PROM2: variants seen among roughly 807,000 people sequenced by gnomAD.
PROM2 encodes the protein prominin-2.
A neutral mutation model predicts 110.2 loss-of-function variants in PROM2; 90 were observed. That is an observed-to-expected ratio of 0.82 (90% CI 0.69 to 0.97). The LOEUF is 0.97. Among genes scored for constraint, PROM2 ranks in the 50% least tolerant of loss-of-function variants. The pLI, the probability that PROM2 is intolerant of heterozygous loss-of-function variation, is 0.00. For missense variants in PROM2, 1,009 were observed against 1,074.8 expected, an observed-to-expected ratio of 0.94 and a Z score of 0.86; for synonymous variants, 470 against 467.8, an observed-to-expected ratio of 1.00 and a Z score of -0.06.
rs145928267 is a variant in PROM2 at position 95,276,003 on chromosome 2, C to A, written c.368C>A (p.Ala123Asp). The A allele has an allele frequency of 1.4e-5, 22 of 1,611,932 alleles. No homozygotes were observed. In the African/African-American group the frequency reaches 2.7e-4, roughly 20 times the overall value. Residue 123 changes from alanine to aspartate, a missense_variant, in exon 3 of 24, where the codon GCC (alanine) becomes GAC (aspartate). Transcript: ENST00000317620. The surrounding 1 kb of genome is among the most constrained non-coding windows in gnomAD (Gnocchi z 4.6). ...CTCTACCTGCTGCTGGTGCCCACTG[C>A]CGGGCTTTGCTTCTGCTGCTGCCGC... ...AGLYLLLVPTAGLCFCCCRCH... is the reference protein window; with the variant it reads ...AGLYLLLVPTDGLCFCCCRCH...
Position 95,286,533 on chromosome 2 carries a change from C to G in PROM2, c.2002C>G (p.Leu668Val), listed in dbSNP as rs1351940538. The G allele has an allele frequency of 1.9e-6, 3 of 1,613,842 alleles. No homozygotes were observed. The South Asian group carries it at 3.3e-5, about 18-fold the overall frequency. Residue 668 changes from leucine (L) to valine (V), a missense_variant, in exon 17 of 24, where the codon CTT becomes GTT. Coordinates refer to ENST00000317620, the MANE Select transcript of PROM2 (RefSeq NM_001165978.3). ...GGAGGAGGCCCAAGGACTCAGAAAC[C>G]TTCACCAGGAGAAGGTCGTCCCCCA... ...LQEEAQGLRNLHQEKVVPQQS... is the reference protein window; with the variant it reads ...LQEEAQGLRNVHQEKVVPQQS...
At chr2:95,285,743 A>T in intron 16 of PROM2, 33 bp downstream of exon 16, 1 of 1,564,926 alleles carries the variant, frequency 6.4e-7, no homozygotes, top group South Asian at 1.2e-5. Flanking sequence ...ACTGGGCAGC[A>T]GGAGCCACAG....
chr2:95,276,902 G>A lies in PROM2; in HGVS notation c.683-70G>A, dbSNP rs1405645471. The A allele has an allele frequency of 1.3e-6, 2 of 1,486,102 alleles. No individual in the cohort carries two copies. The highest frequency in any genetic ancestry group is 1.4e-5 in the African/African-American group (1 of 71,714). 92.1% of individuals were successfully genotyped at this position (1,486,102 alleles called of 1,614,324 possible). ...GCAGAGCCCGGTGGGGCCTGGGGAG[G>A]CAGGATGGGAATGGGGAGGGCCCCT... On this transcript the variant is annotated intron_variant, in intron 5 of 23. Transcript: ENST00000317620. This position sits in a 1 kb window ranked among gnomAD's most constrained non-coding sequence, Gnocchi z 4.6.
rs774392433 is a variant in PROM2, at chr2:95,287,434, C to T, written c.2214C>T (p.Phe738=). Reference sequence around the variant, plus strand: ...TCCTGGCCCGGGAGATGGGCTACTTCTCCCAGTACGTGGCCTGGGTGAGAG... The same window carrying T: ...TCCTGGCCCGGGAGATGGGCTACTTTTCCCAGTACGTGGCCTGGGTGAGAG... The part of the protein sequence containing the change: ...ECFLAREMGY[F]SQYVAWVREE... Residue 738 remains phenylalanine, a synonymous_variant, in exon 20 of 24, where the codon TTC becomes TTT. Transcript: ENST00000317620. The T allele has an allele frequency of 6.2e-7, 1 of 1,614,108 alleles. No individual in the cohort carries two copies. Among genetic ancestry groups the T allele is most frequent in the African/African-American group, 1.3e-5 (1 of 75,046 alleles).
At position 95,278,221 on chromosome 2, in the gene PROM2, G is replaced by C. The variant is rs549320413; in HGVS notation, c.1050+217G>C. 25 of 594,948 alleles carry C rather than the reference G, an allele frequency of 4.2e-5. No individual in the cohort carries two copies. In the South Asian group the frequency reaches 4.9e-4, roughly 12 times the overall value. The allele number at this position is 594,948 out of a possible 1,614,324, so 36.9% of individuals were successfully genotyped here. ...CCTTCAAGGCGGCAGGCGTCTGGGG[G>C]TGGCAAGGGAGCAGTGCTCAGTCTG... On this transcript the variant is annotated intron_variant, in intron 8 of 23. Coordinates refer to ENST00000317620, the MANE Select transcript of PROM2 (RefSeq NM_001165978.3).
intron 14 of PROM2, among the ~76,000 whole-genome samples, chr2:95,283,256 G>A (rs750054746): frequency 2.0e-5 from 3 of 152,200 alleles, no homozygotes; most frequent in Admixed American, 1.3e-4. Context: ...CATGGCTCTC[G>A]AGGGGAGGAG....
In PROM2 at chr2:95,288,688, G is replaced by A. The variant is rs546163050; in HGVS notation, c.2441+99G>A. On this transcript the variant is annotated intron_variant, in intron 22 of 23. Coordinates refer to ENST00000317620, the MANE Select transcript of PROM2 (RefSeq NM_001165978.3). ...CACAGCCCCTCCTGAGACCTCCCAG[G>A]CAGAGGAGGCTCATGAGCGAGCCCT... The A allele has an allele frequency of 3.1e-3, 3,287 of 1,062,904 alleles. 25 individuals are homozygous for A. The highest frequency in any genetic ancestry group is 3.7e-3 in the Non-Finnish European group (2,632 of 717,782). The allele number at this position is 1,062,904 out of a possible 1,614,324, so 65.8% of individuals were successfully genotyped here.
At position 95,274,478 on chromosome 2, in the gene PROM2, A is replaced by G. The variant is rs1676526479; in HGVS notation, c.-108A>G. On this transcript the variant is annotated 5_prime_UTR_variant, in exon 1 of 24. Coordinates refer to ENST00000317620, the MANE Select transcript of PROM2 (RefSeq NM_001165978.3). ...GCTCAGGAACCCAAACCTGTCGGGC[A>G]GGTTTTGAGAGCTGTGGAGAGAGGG... 4 of 1,378,896 alleles carry G rather than the reference A, an allele frequency of 2.9e-6. No individual in the cohort carries two copies. The South Asian group carries it at 5.2e-5, about 18-fold the overall frequency. 85.4% of individuals were successfully genotyped at this position (1,378,896 alleles called of 1,614,324 possible). A position where few individuals can be genotyped will look rare whatever the true frequency, so the allele number is the denominator to read the frequency against.
rs1558742510 is a variant in PROM2, at chr2:95,277,989, C to T, written c.1035C>T (p.Ser345=). The T allele has an allele frequency of 1.2e-6, 2 of 1,610,552 alleles. No homozygotes were observed. The highest frequency in any genetic ancestry group is 1.7e-5 in the Admixed American group (1 of 59,918). ...QLKGVPEANF[S]SMVQEENSTF... is the part of the protein sequence containing the mutation. ...AAGGTGTCCCCGAGGCCAACTTCTC[C>T]AGCATGGTCCAGGAGGTGAGAGCCA... The change falls in exon 8 of 24, where the codon TCC becomes TCT. Residue 345 remains serine, a synonymous_variant. Coordinates refer to ENST00000317620, the MANE Select transcript of PROM2 (RefSeq NM_001165978.3).
chr2:95,287,028 T>G, intron 18 of PROM2, 105 bp from the exon 19 acceptor site: 1 of 1,303,638 alleles, frequency 7.7e-7, no homozygotes, highest in East Asian at 2.3e-5. Flanking sequence ...TTGGCTTGTC[T>G]GTTGGAGCTG....
rs1334258156 is a variant in PROM2, at chr2:95,275,686, A to T, written c.294+176A>T. 6.6e-6 allele frequency among the ~76,000 whole-genome samples: 1 copy of T among 152,206 alleles called. No homozygotes were observed. The highest frequency in any genetic ancestry group is 2.4e-5 in the African/African-American group (1 of 41,454). On this transcript the variant is annotated intron_variant, in intron 2 of 23. Coordinates refer to ENST00000317620, the MANE Select transcript of PROM2 (RefSeq NM_001165978.3). This position sits in a 1 kb window ranked among gnomAD's most constrained non-coding sequence, Gnocchi z 4.4. ...CAGTCCGTAGACCTGGGTGCAAACC[A>T]CAGCTCTGCCATTTACTGGCAGTGA...
rs765783316 is a variant in PROM2 at position 95,288,992 on chromosome 2, T to C, written c.2501T>C (p.Leu834Pro). 4 of 1,613,336 alleles carry C rather than the reference T, an allele frequency of 2.5e-6. No homozygotes were observed. The highest frequency in any genetic ancestry group is 1.3e-5 in the African/African-American group (1 of 74,832). ...ATCCCCCGGGTTACCTCCCTGAAGC[T>C]GTAGGGCCTTGTGGGTGAGTTTTCC... ...FHIPRVTSLK[L>P] The change falls in exon 23 of 24, where the codon CTG becomes CCG. Residue 834 changes from leucine to proline, a missense_variant. Coordinates refer to ENST00000317620, the MANE Select transcript of PROM2 (RefSeq NM_001165978.3).
chr2:95,286,425 G>A, intron 16 of PROM2, 54 bp from the exon 17 acceptor site: 3 of 1,489,068 alleles, frequency 2.0e-6, no homozygotes, highest in South Asian at 2.3e-5. Flanking sequence ...GAAAGGCTGG[G>A]TGACGGGTAG....
intron 18 of PROM2, 41 bp from the exon 19 acceptor site, chr2:95,287,092 G>C (rs150339536): frequency 1.0e-5 from 16 of 1,556,528 alleles, no homozygotes; most frequent in Non-Finnish European, 1.3e-5. Flanking sequence ...GAATGGATGC[G>C]TGAATGTGGG....
In PROM2 at chr2:95,281,338, G is replaced by A. The variant is rs1397703356; in HGVS notation, c.1524G>A (p.Gln508=). 3 of 1,612,434 alleles carry A rather than the reference G, an allele frequency of 1.9e-6. No homozygotes were observed. In the African/African-American group the frequency reaches 4.0e-5, roughly 22 times the overall value. Residue 508 remains glutamine (Q), a synonymous_variant, in exon 12 of 24, where the codon CAG becomes CAA. Coordinates refer to ENST00000317620, the MANE Select transcript of PROM2 (RefSeq NM_001165978.3). ...GCAACGTGCAGACGCTGGTGTGCCAGAGCTGGGAGAACGGCGAGCTCTTTG... is the reference window on the plus strand; with the variant it reads ...GCAACGTGCAGACGCTGGTGTGCCAAAGCTGGGAGAACGGCGAGCTCTTTG... ...VGGNVQTLVC[Q]SWENGELFEF...
intron 14 of PROM2, among the ~76,000 whole-genome samples, chr2:95,283,258 G>C (rs981479215): frequency 1.2e-4 from 18 of 152,228 alleles, no homozygotes; most frequent in Non-Finnish European, 1.5e-5. Flanking sequence ...TGGCTCTCGA[G>C]GGGAGGAGTC....
chr2:95,279,831 CCT>C lies in PROM2; in HGVS notation c.1275-9_1275-8del. ...CCTCCTTTCTTAGTGACACCCATGT[CCT>C]CTCTGTGGCAGGTGGATCGTGGGCT... On this transcript the variant is annotated splice_polypyrimidine_tract_variant and intron_variant, in intron 10 of 23. Transcript: ENST00000317620. 1 of 1,437,082 alleles carries C rather than the reference CCT, an allele frequency of 7.0e-7. No individual in the cohort carries two copies. Among genetic ancestry groups the C allele is most frequent in the Non-Finnish European group, 9.2e-7 (1 of 1,085,720 alleles). 89.0% of individuals were successfully genotyped at this position (1,437,082 alleles called of 1,614,324 possible). A position where few individuals can be genotyped will look rare whatever the true frequency, so the allele number is the denominator to read the frequency against.
chr2:95,277,673 C>A, intron 7 of PROM2, 107 bp downstream of exon 7: 5 of 1,153,560 alleles, frequency 4.3e-6, no homozygotes, highest in African/African-American at 1.6e-5. Context: ...TCCTCCCTTG[C>A]TCCACCCACC....
Position 95,290,779 on chromosome 2 carries a change from T to C in PROM2, c.*1566T>C, listed in dbSNP as rs1677645754. Reference sequence around the variant, plus strand: ...GAGGGAAGAGGGAGGCAGGCCTCTATTCAAAGGCAGAAATTCCTTTAAGAT... The same window carrying C: ...GAGGGAAGAGGGAGGCAGGCCTCTACTCAAAGGCAGAAATTCCTTTAAGAT... On this transcript the variant is annotated 3_prime_UTR_variant, in exon 24 of 24. Coordinates refer to ENST00000317620, the MANE Select transcript of PROM2 (RefSeq NM_001165978.3). 6.6e-6 allele frequency: 1 copy of C among 152,270 alleles called. No homozygotes were observed. Among genetic ancestry groups the C allele is most frequent in the Non-Finnish European group, 1.5e-5 (1 of 68,090 alleles). 9.4% of individuals were successfully genotyped at this position (152,270 alleles called of 1,614,324 possible).
Sources: allele counts gnomAD v4.1 joint callset (sites outside exome capture counted in the v4.1 genomes callset), GRCh38; gene constraint gnomAD v4.1.1; non-coding constraint Gnocchi (gnomAD v3.1); transcripts MANE v1.5; gene names NCBI Gene and HGNC (gene_info 2026-07-23, HGNC 2026-07-21).